The following PHF24 variants were observed in gnomAD, a reference collection of about 807,000 sequenced individuals.
PHF24 encodes PHD finger protein 24.
In PHF24, 25 loss-of-function variants were observed where a neutral mutation model predicts 42.6. The ratio of observed to expected loss-of-function variants is 0.59; its 90% CI spans 0.43 to 0.82. PHF24 has a LOEUF of 0.82. PHF24 is among the 40% of genes least tolerant of loss of function. The pLI, the probability that PHF24 is intolerant of heterozygous loss-of-function variation, is 0.00. For missense variants in PHF24, 470 were observed against 538.1 expected (o/e 0.87, Z 1.25); for synonymous variants, 185 against 204.8 (o/e 0.90, Z 0.83).
chr9:34,847,274 G>C, the PHF24 span, among the ~76,000 whole-genome samples: 1 of 151,884 alleles, frequency 6.6e-6, no homozygotes, highest in Non-Finnish European at 1.5e-5. Context: ...CTTTTATTTC[G>C]TTGAGCAGTG....
chr9:34,803,035 G>T, the PHF24 span, among the ~76,000 whole-genome samples: 11 of 152,062 alleles, frequency 7.2e-5, no homozygotes. Flanking sequence ...ATATCTCAGG[G>T]GATATGCATT....
At position 34,958,913 on chromosome 9, in the gene PHF24, C is replaced by A. The variant is rs1323386404; in HGVS notation, c.-5+512C>A. Among the ~76,000 whole-genome samples the A allele has an allele frequency of 6.6e-6, 1 of 152,198 alleles. No individual in the cohort carries two copies. Among genetic ancestry groups the A allele is most frequent in the African/African-American group, 2.4e-5 (1 of 41,462 alleles). On this transcript the variant is annotated intron_variant, in intron 1 of 7. Transcript: ENST00000242315. The surrounding 1 kb of genome is among the most constrained non-coding windows in gnomAD (Gnocchi z 4.5). ...CCCATGGGATCCATGAGTGACTTCC[C>A]ACGGCTCCAAGGACTTTGGCCTCCA...
At chr9:34,932,969 A>G in the PHF24 span, among the ~76,000 whole-genome samples, 1 of 145,268 alleles carries the variant, frequency 6.9e-6, no homozygotes, top group Non-Finnish European at 1.5e-5. Flanking sequence ...TATAAGCTTC[A>G]TGAGAGCAGG....
chr9:34,943,538 A>G, the PHF24 span, among the ~76,000 whole-genome samples: 1 of 152,188 alleles, frequency 6.6e-6, no homozygotes, highest in African/African-American at 2.4e-5. Flanking sequence ...GCCTCTAAGT[A>G]TCAATATCAA....
At chr9:34,886,793 C>T in the PHF24 span, among the ~76,000 whole-genome samples, 1 of 140,910 alleles carries the variant, frequency 7.1e-6, no homozygotes, top group Non-Finnish European at 1.5e-5. Context: ...CTCTGTCTAT[C>T]TACTCTATCT....
At chr9:34,758,254 C>T in the PHF24 span, among the ~76,000 whole-genome samples, 1 of 152,130 alleles carries the variant, frequency 6.6e-6, no homozygotes, top group African/African-American at 2.4e-5. This position sits in a 1 kb window ranked among gnomAD's most constrained non-coding sequence, Gnocchi z 4.4. Context: ...AACAGGGTAA[C>T]GGACATGGGG....
the PHF24 span, among the ~76,000 whole-genome samples, chr9:34,836,500 T>C: frequency 1.3e-5 from 2 of 152,216 alleles, no homozygotes; most frequent in African/African-American, 4.8e-5. Context: ...GAGGTTTATG[T>C]GGTACTTATG....
chr9:34,695,432 G>T, the PHF24 span, among the ~76,000 whole-genome samples: 3 of 152,198 alleles, frequency 2.0e-5, no homozygotes, highest in Non-Finnish European at 4.4e-5. Context: ...TATAATAAAT[G>T]GGTAAGCATA....
chr9:34,726,566 A>G, the PHF24 span: 1 of 1,551,620 alleles, frequency 6.4e-7, no homozygotes, highest in Non-Finnish European at 8.7e-7. Flanking sequence ...TGGCTTCTCA[A>G]TCCTTGAAGA....
chr9:34,665,736 T>C, the PHF24 span: 1 of 698,070 alleles, frequency 1.4e-6, no homozygotes, highest in Non-Finnish European at 2.6e-6. Context: ...CCCTTCTCCG[T>C]CATTCTCAGG....
At chr9:34,938,934 C>CAAAA in the PHF24 span, among the ~76,000 whole-genome samples, 14 of 63,372 alleles carry the variant, frequency 2.2e-4, no homozygotes, top group East Asian at 4.7e-4. Context: ...GAGACTCCAT[C>CAAAA]AAAAAAAAAA....
At chr9:34,826,006 C>G in the PHF24 span, among the ~76,000 whole-genome samples, 1 of 152,058 alleles carries the variant, frequency 6.6e-6, no homozygotes, top group Non-Finnish European at 1.5e-5. Flanking sequence ...ATGCTACTTG[C>G]CTGGCTGTGG....
intron 1 of PHF24, among the ~76,000 whole-genome samples, chr9:34,965,603 C>A (rs1826740653): frequency 2.0e-5 from 3 of 152,212 alleles, no homozygotes; most frequent in Non-Finnish European, 4.4e-5. Flanking sequence ...ATTGCAATGA[C>A]ATAGTTGACC....
chr9:34,709,288 G>T, the PHF24 span: 2 of 1,337,554 alleles, frequency 1.5e-6, no homozygotes, highest in East Asian at 2.3e-5. Flanking sequence ...GCATGGGGTG[G>T]CTGCTCCAGG....
At chr9:34,816,167 A>G in the PHF24 span, among the ~76,000 whole-genome samples, 2 of 151,668 alleles carry the variant, frequency 1.3e-5, no homozygotes, top group African/African-American at 2.4e-5. Flanking sequence ...CCATCTTCCC[A>G]CTGGAACTTC....
the PHF24 span, among the ~76,000 whole-genome samples, chr9:34,770,940 C>A: frequency 5.2e-4 from 79 of 152,076 alleles, 1 homozygote; most frequent in East Asian, 0.014. Context: ...ATGGTGAAAC[C>A]TCGTCTCTAC....
At chr9:34,690,968 G>A in the PHF24 span, 17 of 828,416 alleles carry the variant, frequency 2.1e-5, no homozygotes, top group South Asian at 3.0e-4. Flanking sequence ...GAAATATACA[G>A]ACCTAAGCAT....
the PHF24 span, chr9:34,722,970 C>G: frequency 9.2e-6 from 4 of 436,998 alleles, no homozygotes; most frequent in Non-Finnish European, 1.6e-5. Flanking sequence ...AAGCTCCTTC[C>G]CTAGACAGGA....
chr9:34,755,672 G>T, the PHF24 span, among the ~76,000 whole-genome samples: 1 of 151,760 alleles, frequency 6.6e-6, no homozygotes, highest in Non-Finnish European at 1.5e-5. Context: ...TAGAGACAGG[G>T]TCTTGCTCTG....
Sources: gnomAD v4.1 joint callset for allele counts (sites outside exome capture counted in the v4.1 genomes callset) on GRCh38, gnomAD v4.1.1 for gene constraint, Gnocchi (gnomAD v3.1) non-coding constraint, MANE v1.5 for transcripts, NCBI Gene and HGNC (gene_info 2026-07-23, HGNC 2026-07-21) for gene names.